The following ADAMTSL1 variants were observed in gnomAD, a reference collection of about 807,000 sequenced individuals.
The protein encoded by ADAMTSL1 is ADAMTS like 1.
Under a neutral mutation model 201.8 loss-of-function variants are expected in ADAMTSL1, and 126 were observed. That is an observed-to-expected ratio of 0.62 (90% CI 0.54 to 0.72). The LOEUF (loss-of-function observed/expected upper bound fraction) is 0.72, where lower values mean the gene tolerates loss of function less well. ADAMTSL1 is among the 30% of genes least tolerant of loss of function. ADAMTSL1 has a pLI of 0.00. For missense variants in ADAMTSL1, 2,679 were observed against 2,277.8 expected (o/e 1.18, Z -3.59); for synonymous variants, 1,121 against 903.4 (o/e 1.24, Z -4.32).
At position 18,557,616 on chromosome 9, in the gene ADAMTSL1, G is replaced by A. The variant is rs138379319; in HGVS notation, c.238-16414G>A. The stretch of plus-strand genomic sequence containing the variant: ...TCACTGACAACCAAAAAGAAGTTAA[G>A]CCTGCAGACAATATCAAGTGGTTTG... On this transcript the variant is annotated intron_variant, in intron 3 of 28. Transcript: ENST00000380548. 4.3e-3 allele frequency among the ~76,000 whole-genome samples: 654 copies of A among 152,088 alleles called. 3 individuals are homozygous for A. Among genetic ancestry groups the A allele is most frequent in the Middle Eastern group, 6.8e-3 (2 of 294 alleles).
At chr9:17,942,111 C>A (rs1041044786) in intron 1 of ADAMTSL1, among the ~76,000 whole-genome samples, 4 of 151,976 alleles carry the variant, frequency 2.6e-5, no homozygotes, top group Non-Finnish European at 5.9e-5. Flanking sequence ...TAGGCAAATT[C>A]GTTAGAGACA....
At chr9:18,485,457 C>T (rs1422695203) in intron 1 of ADAMTSL1, among the ~76,000 whole-genome samples, 2 of 152,200 alleles carry the variant, frequency 1.3e-5, no homozygotes, top group Non-Finnish European at 1.5e-5. Context: ...TCTTACTCCC[C>T]AGGAAGCTCA....
At chr9:17,986,819 G>A (rs1163903466) in intron 1 of ADAMTSL1, among the ~76,000 whole-genome samples, 1 of 152,056 alleles carries the variant, frequency 6.6e-6, no homozygotes. Context: ...TGAGACTGTT[G>A]ACTAGGTGCA....
chr9:18,601,974 G>A (rs928135628), intron 4 of ADAMTSL1, among the ~76,000 whole-genome samples: 8 of 152,106 alleles, frequency 5.3e-5, no homozygotes, highest in African/African-American at 1.9e-4. Context: ...TCCTATAACA[G>A]GAAAGAATTT....
At chr9:18,006,059 G>A (rs1819807355) in intron 1 of ADAMTSL1, among the ~76,000 whole-genome samples, 1 of 151,772 alleles carries the variant, frequency 6.6e-6, no homozygotes, top group Non-Finnish European at 1.5e-5. Flanking sequence ...GCAGTAATGA[G>A]GTGGTAAATT....
intron 2 of ADAMTSL1, among the ~76,000 whole-genome samples, chr9:18,324,234 C>A (rs934489964): frequency 1.3e-5 from 2 of 151,996 alleles, no homozygotes; most frequent in African/African-American, 4.8e-5. Flanking sequence ...TAACATGTAT[C>A]CTAGAAAAAA....
intron 22 of ADAMTSL1, among the ~76,000 whole-genome samples, chr9:18,828,695 A>AATAT (rs1824773899): frequency 2.5e-5 from 1 of 40,250 alleles, no homozygotes; most frequent in Non-Finnish European, 5.0e-5. Flanking sequence ...TATATATATA[A>AATAT]AATGTGTGTG....
At chr9:18,109,932 T>C (rs979122443) in intron 1 of ADAMTSL1, among the ~76,000 whole-genome samples, 1 of 152,176 alleles carries the variant, frequency 6.6e-6, no homozygotes, top group Non-Finnish European at 1.5e-5. Context: ...GTATCACTTT[T>C]CACTGTTGTG....
intron 6 of ADAMTSL1, among the ~76,000 whole-genome samples, chr9:18,637,252 G>C (rs1243651512): frequency 6.6e-6 from 1 of 152,100 alleles, no homozygotes; most frequent in African/African-American, 2.4e-5. Flanking sequence ...TAATGTATGT[G>C]TGTGTATTAT....
chr9:18,180,105 A>G (rs2132170689), intron 2 of ADAMTSL1, among the ~76,000 whole-genome samples: 2 of 152,324 alleles, frequency 1.3e-5, no homozygotes, highest in East Asian at 3.9e-4. Flanking sequence ...GTCAAGACCC[A>G]TCACTGTGCT....
intron 9 of ADAMTSL1, among the ~76,000 whole-genome samples, chr9:18,668,932 A>C (rs896119671): frequency 2.6e-5 from 4 of 152,252 alleles, no homozygotes; most frequent in African/African-American, 9.6e-5. Flanking sequence ...GCCACTTGGC[A>C]AAAGCAAATT....
intron 1 of ADAMTSL1, among the ~76,000 whole-genome samples, chr9:17,960,564 T>C (rs1817705359): frequency 6.6e-6 from 1 of 152,202 alleles, no homozygotes; most frequent in Non-Finnish European, 1.5e-5. Context: ...CATCATTCAT[T>C]GTATAAATAC....
At chr9:18,068,911 C>T (rs990367789) in intron 1 of ADAMTSL1, among the ~76,000 whole-genome samples, 3 of 152,174 alleles carry the variant, frequency 2.0e-5, no homozygotes, top group African/African-American at 7.2e-5. Flanking sequence ...GGTTACCTAA[C>T]TTGGCCTTGT....
rs372576316 is a variant in ADAMTSL1, at chr9:18,379,844, T to C, written c.208-124985T>C. 5.3e-5 allele frequency among the ~76,000 whole-genome samples: 8 copies of C among 152,228 alleles called. No homozygotes were observed. The South Asian group carries it at 1.7e-3, about 32-fold the overall frequency. On this transcript the variant is annotated intron_variant, in intron 2 of 29. Transcript: ENST00000680146. ...GAGTAAATTAAGAAATGAGCAGCATTTCCCATTTTTACATTCTTGGGCCAT... is the reference window on the plus strand; with the variant it reads ...GAGTAAATTAAGAAATGAGCAGCATCTCCCATTTTTACATTCTTGGGCCAT...
chr9:18,172,713 T>C (rs550470173), intron 2 of ADAMTSL1, among the ~76,000 whole-genome samples: 3 of 152,214 alleles, frequency 2.0e-5, no homozygotes, highest in East Asian at 1.9e-4. Flanking sequence ...ATCATGAATA[T>C]CCATCAGAAG....
At chr9:18,362,643 T>C (rs969121091) in intron 2 of ADAMTSL1, among the ~76,000 whole-genome samples, 2 of 152,176 alleles carry the variant, frequency 1.3e-5, no homozygotes, top group Admixed American at 1.3e-4. Context: ...CACCATCAAA[T>C]GTCATGCATT....
intron 2 of ADAMTSL1, among the ~76,000 whole-genome samples, chr9:18,505,451 C>T (rs960638586): frequency 1.3e-5 from 2 of 151,994 alleles, no homozygotes; most frequent in Non-Finnish European, 1.5e-5. Flanking sequence ...TGATGAATTT[C>T]GAATATAAGG....
At chr9:18,649,398 A>G (rs556579066) in intron 7 of ADAMTSL1, among the ~76,000 whole-genome samples, 1 of 152,298 alleles carries the variant, frequency 6.6e-6, no homozygotes, top group Admixed American at 6.5e-5. Context: ...CGTCAAAGTC[A>G]TTCTCTGTCC....
intron 4 of ADAMTSL1, among the ~76,000 whole-genome samples, chr9:18,583,302 G>A (rs140269302): frequency 6.6e-6 from 1 of 152,144 alleles, no homozygotes; most frequent in African/African-American, 2.4e-5. Flanking sequence ...TAGGGCTCGG[G>A]CCGTAGCTTC....
Sources: gnomAD v4.1 joint callset for allele counts (sites outside exome capture counted in the v4.1 genomes callset) on GRCh38, gnomAD v4.1.1 for gene constraint, MANE v1.5 for transcripts, NCBI Gene and HGNC (gene_info 2026-07-23, HGNC 2026-07-21) for gene names.